GPC6: variants seen among roughly 807,000 people sequenced by gnomAD.
The protein encoded by GPC6 is glypican 6, also known as glypican-6.
A neutral mutation model predicts 55.2 loss-of-function variants in GPC6; 14 were observed. That is an observed-to-expected ratio of 0.25 (90% CI 0.17 to 0.40). The LOEUF (loss-of-function observed/expected upper bound fraction) is 0.40, where lower values mean the gene tolerates loss of function less well. Among genes scored for constraint, GPC6 ranks in the 10% least tolerant of loss-of-function variants. The pLI, the probability that GPC6 is intolerant of heterozygous loss-of-function variation, is 1.00. For missense variants in GPC6, 641 were observed against 708.5 expected (o/e 0.90, Z 1.08); for synonymous variants, 278 against 259.6 (o/e 1.07, Z -0.68).
At chr13:93,917,328 C>G (rs2094663271) in intron 3 of GPC6, among the ~76,000 whole-genome samples, 2 of 151,622 alleles carry the variant, frequency 1.3e-5, no homozygotes, top group Non-Finnish European at 2.9e-5. Flanking sequence ...AGACTATCTA[C>G]AAAGCAACAT....
intron 1 of GPC6, among the ~76,000 whole-genome samples, chr13:93,355,173 C>T (rs1361538657): frequency 6.6e-6 from 1 of 152,138 alleles, no homozygotes; most frequent in African/African-American, 2.4e-5. Context: ...TTTGCTTTCT[C>T]TTCTCCTTTA....
chr13:93,945,739 T>G (rs1404279966), intron 3 of GPC6, among the ~76,000 whole-genome samples: 2 of 152,214 alleles, frequency 1.3e-5, no homozygotes, highest in Non-Finnish European at 2.9e-5. Flanking sequence ...ACTGCCCATT[T>G]GTATATTCAG....
intron 1 of GPC6, among the ~76,000 whole-genome samples, chr13:93,436,256 T>A (rs1194599832): frequency 2.0e-5 from 3 of 151,966 alleles, no homozygotes; most frequent in Non-Finnish European, 4.4e-5. Context: ...GACATTGAAA[T>A]CATCTGCATG....
chr13:94,131,209 G>A (rs1024248639), intron 4 of GPC6, among the ~76,000 whole-genome samples: 5 of 152,040 alleles, frequency 3.3e-5, no homozygotes, highest in Non-Finnish European at 7.4e-5. Context: ...TTTATGATCT[G>A]TGATAAGTAT....
intron 4 of GPC6, among the ~76,000 whole-genome samples, chr13:94,078,748 A>G (rs181797524): frequency 1.3e-5 from 2 of 152,106 alleles, no homozygotes; most frequent in Admixed American, 6.6e-5. Context: ...CTGACACAGT[A>G]ATAAAAAACC....
At chr13:94,311,717 T>C (rs138044808) in intron 6 of GPC6, among the ~76,000 whole-genome samples, 25 of 152,336 alleles carry the variant, frequency 1.6e-4, no homozygotes, top group African/African-American at 6.0e-4. Flanking sequence ...CATATGCCCA[T>C]ATCCATATGC....
chr13:93,524,402 G>T (rs9589760), intron 1 of GPC6, among the ~76,000 whole-genome samples: 1 of 151,982 alleles, frequency 6.6e-6, no homozygotes, highest in African/African-American at 2.4e-5. Context: ...AATAAAACCT[G>T]CCATAGAGCA....
chr13:93,526,906 T>TAAC (rs1881666704), intron 1 of GPC6, among the ~76,000 whole-genome samples: 1 of 152,128 alleles, frequency 6.6e-6, no homozygotes, highest in Admixed American at 6.5e-5. Flanking sequence ...AGGATGTGTG[T>TAAC]AACTGTTTAT....
chr13:93,426,748 C>T (rs1352232244), intron 1 of GPC6, among the ~76,000 whole-genome samples: 10 of 152,066 alleles, frequency 6.6e-5, no homozygotes, highest in African/African-American at 2.4e-4. Context: ...TTTGGGTATA[C>T]ACCCAGTAAT....
chr13:94,318,799 C>A (rs1594164148), intron 6 of GPC6, among the ~76,000 whole-genome samples: 1 of 152,200 alleles, frequency 6.6e-6, no homozygotes, highest in Admixed American at 6.5e-5. Context: ...ATAGTTAAAA[C>A]TTTTCTTGTG....
At chr13:93,850,178 C>T (rs1403447107) in intron 3 of GPC6, among the ~76,000 whole-genome samples, 2 of 151,990 alleles carry the variant, frequency 1.3e-5, no homozygotes, top group East Asian at 3.9e-4. Context: ...TTTTGGCAAT[C>T]TGTAGAAAAC....
intron 4 of GPC6, among the ~76,000 whole-genome samples, chr13:94,266,135 T>A (rs1280903584): frequency 9.1e-5 from 12 of 131,616 alleles, no homozygotes; most frequent in Admixed American, 9.0e-4. Flanking sequence ...GTTTTTCTTT[T>A]CTTTACTTTT....
At chr13:93,239,331 T>G (rs1448318345) in intron 1 of GPC6, among the ~76,000 whole-genome samples, 1 of 151,954 alleles carries the variant, frequency 6.6e-6, no homozygotes, top group Non-Finnish European at 1.5e-5. Flanking sequence ...TTCCAGAAAT[T>G]TATTCATTTA....
intron 6 of GPC6, among the ~76,000 whole-genome samples, chr13:94,359,542 G>C (rs920741942): frequency 3.3e-5 from 5 of 152,124 alleles, no homozygotes; most frequent in Admixed American, 1.3e-4. Flanking sequence ...TGACTTTCCA[G>C]TGCATCAGGA....
chr13:93,278,933 C>A (rs1342813346), intron 1 of GPC6, among the ~76,000 whole-genome samples: 2 of 151,902 alleles, frequency 1.3e-5, no homozygotes, highest in African/African-American at 4.8e-5. Context: ...TATAGGTATC[C>A]CATAACATCA....
At chr13:93,607,106 C>G (rs117056609) in intron 2 of GPC6, among the ~76,000 whole-genome samples, 2 of 152,272 alleles carry the variant, frequency 1.3e-5, no homozygotes, top group Non-Finnish European at 2.9e-5. Context: ...ATGATATAAT[C>G]TGGCTTAATT....
rs1359998240 is a variant in GPC6, at chr13:93,641,939, G to A, written c.319+96518G>A. 3.3e-5 allele frequency among the ~76,000 whole-genome samples: 5 copies of A among 152,054 alleles called. No homozygotes were observed. In the East Asian group the frequency reaches 9.7e-4, roughly 29 times the overall value. Reference sequence around the variant, plus strand: ...ATGTCATCATAGTTATACTTTATATGTTGGATATCTATATTATATATAATT... The same window carrying A: ...ATGTCATCATAGTTATACTTTATATATTGGATATCTATATTATATATAATT... On this transcript the variant is annotated intron_variant, in intron 2 of 8. Coordinates refer to ENST00000377047, the MANE Select transcript of GPC6 (RefSeq NM_005708.5).
At chr13:93,348,477 T>C (rs1436676319) in intron 1 of GPC6, among the ~76,000 whole-genome samples, 2 of 152,200 alleles carry the variant, frequency 1.3e-5, no homozygotes, top group African/African-American at 4.8e-5. Context: ...TATTTGTATG[T>C]AAAGATTTTG....
At chr13:93,783,565 T>C in intron 2 of GPC6, among the ~76,000 whole-genome samples, 1 of 136,918 alleles carries the variant, frequency 7.3e-6, no homozygotes, top group East Asian at 2.1e-4. Flanking sequence ...GGTTTTGAGA[T>C]CTATCTATCT....
Sources: allele counts gnomAD v4.1 joint callset (sites outside exome capture counted in the v4.1 genomes callset), GRCh38; gene constraint gnomAD v4.1.1; transcripts MANE v1.5; gene names NCBI Gene and HGNC (gene_info 2026-07-23, HGNC 2026-07-21).